Variants in PBX1 observed in about 807,000 individuals in gnomAD.
PBX1 encodes the protein pre-B-cell leukemia transcription factor 1.
Under a neutral mutation model 53.4 loss-of-function variants are expected in PBX1, and 6 were observed. The ratio of observed to expected loss-of-function variants is 0.11; its 90% CI spans 0.06 to 0.22. PBX1 has a LOEUF of 0.22. PBX1 is among the 10% of genes least tolerant of loss of function. The probability of loss-of-function intolerance (pLI) is 1.00; values close to 1 mark genes in which losing one functional copy is unlikely to be tolerated. For synonymous variants in PBX1, 204 were observed against 212.3 expected (o/e 0.96, Z 0.34); for missense variants, 251 against 551.4 (o/e 0.46, Z 5.46).
intron 2 of PBX1, among the ~76,000 whole-genome samples, chr1:164,676,137 G>A (rs373808816): frequency 1.1e-4 from 17 of 152,286 alleles, no homozygotes; most frequent in African/African-American, 2.9e-4. Flanking sequence ...GGCATTTTGC[G>A]TTCTTTGTGC....
In PBX1 at chr1:164,610,367, G is replaced by A. The variant is rs541663664; in HGVS notation, c.265+47056G>A. On this transcript the variant is annotated intron_variant, in intron 2 of 8. Coordinates refer to ENST00000420696, the MANE Select transcript of PBX1 (RefSeq NM_002585.4). ...TTGAAGAATGGTGAACTTGGGCCAC[G>A]GGGCATCATTCTGCTTTAGTTGAGG... is the stretch of plus-strand genomic sequence containing the variant. Among the ~76,000 whole-genome samples, 13 of 152,232 alleles carry A rather than the reference G, an allele frequency of 8.5e-5. No homozygotes were observed. The South Asian group carries it at 2.7e-3, about 32-fold the overall frequency.
At chr1:164,642,284 T>C (rs1256532215) in intron 2 of PBX1, 1 of 152,162 alleles carries the variant, frequency 6.6e-6, no homozygotes, top group Non-Finnish European at 1.5e-5. Context: ...TCCCAGCAAG[T>C]AGAAGTGTCT....
chr1:164,587,051 C>G (rs1654996633), intron 2 of PBX1, among the ~76,000 whole-genome samples: 1 of 152,156 alleles, frequency 6.6e-6, no homozygotes, highest in Non-Finnish European at 1.5e-5. Context: ...AAATAGCAAG[C>G]CCATGCTTGA....
chr1:164,801,197 G>C (rs1345859177), intron 4 of PBX1, among the ~76,000 whole-genome samples: 2 of 152,116 alleles, frequency 1.3e-5, no homozygotes, highest in Non-Finnish European at 2.9e-5. Context: ...TCCCCAGCTG[G>C]GTATAGTAAT....
intron 2 of PBX1, among the ~76,000 whole-genome samples, chr1:164,753,094 G>A (rs1046062588): frequency 2.6e-5 from 4 of 152,158 alleles, no homozygotes; most frequent in Admixed American, 6.5e-5. Flanking sequence ...TAGTGAAAAC[G>A]ATCTGAATCT....
At chr1:164,588,272 A>G (rs1655091423) in intron 2 of PBX1, among the ~76,000 whole-genome samples, 1 of 152,164 alleles carries the variant, frequency 6.6e-6, no homozygotes, top group Non-Finnish European at 1.5e-5. Context: ...AAAGAGTTTC[A>G]GCTGGGTTTT....
intron 2 of PBX1, among the ~76,000 whole-genome samples, chr1:164,636,296 G>A (rs1658774989): frequency 6.6e-6 from 1 of 152,160 alleles, no homozygotes; most frequent in Non-Finnish European, 1.5e-5. Flanking sequence ...GACTGAAAGA[G>A]TGAGTCTGAA....
intron 2 of PBX1, among the ~76,000 whole-genome samples, chr1:164,588,696 G>A (rs1655132894): frequency 6.6e-6 from 1 of 151,230 alleles, no homozygotes; most frequent in South Asian, 2.1e-4. Flanking sequence ...AAAATAAGAG[G>A]GAGAGAGAGA....
At chr1:164,636,442 T>A (rs1234641039) in intron 2 of PBX1, among the ~76,000 whole-genome samples, 1 of 152,234 alleles carries the variant, frequency 6.6e-6, no homozygotes, top group Admixed American at 6.5e-5. Flanking sequence ...GCTTTCCACC[T>A]CATTTATGAA....
chr1:164,655,100 G>GGT (rs370529729), intron 2 of PBX1, among the ~76,000 whole-genome samples: 14 of 138,822 alleles, frequency 1.0e-4, no homozygotes, highest in African/African-American at 1.6e-4. Context: ...TCTGATGTGT[G>GGT]TTTTTTTTTT....
chr1:164,862,655 G>T (rs1238570015), intron 2 of PBX1, among the ~76,000 whole-genome samples: 1 of 152,104 alleles, frequency 6.6e-6, no homozygotes. Context: ...GGTGGTTTTG[G>T]CTTATTTGCA....
chr1:164,722,852 C>G (rs1333741559), intron 2 of PBX1, among the ~76,000 whole-genome samples: 1 of 152,190 alleles, frequency 6.6e-6, no homozygotes, highest in East Asian at 1.9e-4. Flanking sequence ...GGGTGATTTC[C>G]AAGAGGATTC....
Position 164,689,293 on chromosome 1 carries a change from G to GT in PBX1, c.266-103192dup, listed in dbSNP as rs536625726. Among the ~76,000 whole-genome samples the GT allele has an allele frequency of 1.6e-3, 237 of 150,612 alleles. 1 individual carries two copies. Among genetic ancestry groups the GT allele is most frequent in the Non-Finnish European group, 2.8e-3 (186 of 67,570 alleles). On this transcript the variant is annotated intron_variant, in intron 2 of 8. Transcript: ENST00000420696. ...GGCAAATAGTTAACTGAAGTGGAAG[G>GT]TTTTTTTTTCTTTTTCTTTTTCATT...
chr1:164,780,885 G>A (rs762337718), intron 2 of PBX1, among the ~76,000 whole-genome samples: 1 of 152,034 alleles, frequency 6.6e-6, no homozygotes, highest in Non-Finnish European at 1.5e-5. Context: ...TAGTATCACC[G>A]TTAGTATCAT....
chr1:164,819,971 G>A (rs577379858), intron 6 of PBX1, 101 bp from the exon 7 acceptor site: 3 of 681,702 alleles, frequency 4.4e-6, no homozygotes, highest in Non-Finnish European at 7.9e-6. Flanking sequence ...TTTTTATTTG[G>A]GGGGGGTTGC....
At chr1:164,566,973 CT>C (rs1372362995) in intron 2 of PBX1, among the ~76,000 whole-genome samples, 1 of 152,046 alleles carries the variant, frequency 6.6e-6, no homozygotes, top group African/African-American at 2.4e-5. Context: ...TCTCTCTTTC[CT>C]TTTCTCTCTG....
At chr1:164,692,654 G>A (rs1281856588) in intron 2 of PBX1, among the ~76,000 whole-genome samples, 1 of 152,172 alleles carries the variant, frequency 6.6e-6, no homozygotes, top group African/African-American at 2.4e-5. Flanking sequence ...TGAGCGTGGG[G>A]AATAGGGTTA....
At chr1:164,649,407 C>T (rs1172393635) in intron 2 of PBX1, among the ~76,000 whole-genome samples, 3 of 152,106 alleles carry the variant, frequency 2.0e-5, no homozygotes, top group African/African-American at 7.2e-5. Flanking sequence ...GTAGAGAATA[C>T]TTTTGTTGGG....
chr1:164,606,769 T>C (rs1393690101), intron 2 of PBX1, among the ~76,000 whole-genome samples: 3 of 152,186 alleles, frequency 2.0e-5, no homozygotes, highest in African/African-American at 7.2e-5. Flanking sequence ...TATGAAACAG[T>C]TCATTCTTTG....
Sources: allele counts gnomAD v4.1 joint callset (sites outside exome capture counted in the v4.1 genomes callset), GRCh38; gene constraint gnomAD v4.1.1; transcripts MANE v1.5; gene names NCBI Gene and HGNC (gene_info 2026-07-23, HGNC 2026-07-21).